Variants in MEF2C observed in about 807,000 individuals in gnomAD.
MEF2C encodes myocyte-specific enhancer factor 2C.
MEF2C carries 6 observed loss-of-function variants against 50.5 expected under a neutral mutation model. The observed-to-expected ratio is 0.12, with a 90% CI of 0.07 to 0.23. MEF2C has a LOEUF of 0.23. Ranked by LOEUF, MEF2C falls within the 10% of genes least tolerant of loss-of-function variation. The pLI is 1.00. For synonymous variants in MEF2C, 183 were observed against 228.0 expected, an observed-to-expected ratio of 0.80 and a Z score of 1.78; for missense variants, 276 against 605.0, an observed-to-expected ratio of 0.46 and a Z score of 5.70.
chr5:88,842,936 C>T, intron 1 of MEF2C, among the ~76,000 whole-genome samples: 1 of 152,070 alleles, frequency 6.6e-6, no homozygotes, highest in Middle Eastern at 3.2e-3. Context: ...AATGTCTGGA[C>T]TGGAGAGGGC....
intron 5 of MEF2C, chr5:88,751,363 TTATCA>T: frequency 1.0e-6 from 1 of 985,448 alleles, no homozygotes; most frequent in Non-Finnish European, 1.2e-6. Context: ...TGATGCTATC[TTATCA>T]TATTTCCTTT....
intron 3 of MEF2C, chr5:88,772,590 T>C (rs1782857814): frequency 3.0e-6 from 1 of 336,252 alleles, no homozygotes. Context: ...ATTCTTCAAT[T>C]TCTTAAATAG....
At position 88,719,366 on chromosome 5, in the gene MEF2C, C is replaced by A. The variant is rs185173418; in HGVS notation, c.*3238G>T. ...AAAAGGTTGAAATAAACAGCCTCCA[C>A]GCAGCAATGCATACAATATACAGGT... On this transcript the variant is annotated 3_prime_UTR_variant, in exon 11 of 11. Transcript: ENST00000504921. The A allele has an allele frequency of 3.3e-5, 5 of 152,284 alleles. No homozygotes were observed. In the East Asian group the frequency reaches 9.6e-4, roughly 29 times the overall value. The allele number at this position is 152,284 out of a possible 1,614,324, so 9.4% of individuals were successfully genotyped here.
chr5:88,779,762 T>TTG (rs1306539465), intron 3 of MEF2C, among the ~76,000 whole-genome samples: 3 of 150,872 alleles, frequency 2.0e-5, no homozygotes, highest in Non-Finnish European at 4.4e-5. Flanking sequence ...AAAGTGAGGT[T>TTG]TTTTTTTTTT....
At chr5:88,786,633 T>TA (rs1289570237) in intron 3 of MEF2C, among the ~76,000 whole-genome samples, 2 of 152,142 alleles carry the variant, frequency 1.3e-5, no homozygotes, top group East Asian at 3.8e-4. Flanking sequence ...AACCATACAT[T>TA]AAAAAATCCA....
chr5:88,861,164 C>T lies in MEF2C; in HGVS notation c.-143+21791G>A, dbSNP rs377499013. Among the ~76,000 whole-genome samples, 41 of 152,310 alleles carry T rather than the reference C, an allele frequency of 2.7e-4. 1 individual carries two copies. The highest frequency in any genetic ancestry group is 2.5e-3 in the South Asian group (12 of 4,818). On this transcript the variant is annotated intron_variant, in intron 1 of 10. Coordinates refer to ENST00000504921, the MANE Select transcript of MEF2C (RefSeq NM_002397.5). ...ACACCAATGTTCTGCATTTGCTTCA[C>T]CCTAGTGTTCAAAGATGTTTCAAAG...
At chr5:88,787,547 A>G (rs192535677) in intron 3 of MEF2C, among the ~76,000 whole-genome samples, 2 of 152,338 alleles carry the variant, frequency 1.3e-5, no homozygotes, top group Admixed American at 1.3e-4. Flanking sequence ...TTTAATCTCC[A>G]TCTTTCCTTC....
intron 4 of MEF2C, among the ~76,000 whole-genome samples, chr5:88,756,140 G>T (rs1332030968): frequency 6.6e-6 from 1 of 152,094 alleles, no homozygotes; most frequent in Non-Finnish European, 1.5e-5. Context: ...CCTGTATCAA[G>T]AACTACCTAT....
chr5:88,800,337 A>G (rs1404606091), intron 3 of MEF2C, among the ~76,000 whole-genome samples: 1 of 152,206 alleles, frequency 6.6e-6, no homozygotes, highest in Non-Finnish European at 1.5e-5. Context: ...TCAGCAGCTT[A>G]TACTGCATTA....
chr5:88,873,779 G>T (rs568390126), intron 1 of MEF2C, among the ~76,000 whole-genome samples: 103 of 114,996 alleles, frequency 9.0e-4, no homozygotes, highest in African/African-American at 3.3e-3. Flanking sequence ...TGAAATGAAA[G>T]AAAAAAATAG....
intron 3 of MEF2C, among the ~76,000 whole-genome samples, chr5:88,789,210 A>G (rs989795746): frequency 2.6e-5 from 4 of 151,370 alleles, no homozygotes; most frequent in African/African-American, 9.7e-5. Context: ...TCTGTCACTC[A>G]GGCTGGGGTA....
At chr5:88,805,257 A>G (rs536579258) in intron 2 of MEF2C, among the ~76,000 whole-genome samples, 1 of 152,316 alleles carries the variant, frequency 6.6e-6, no homozygotes, top group African/African-American at 2.4e-5. Flanking sequence ...ATGTCATTTA[A>G]TTGAAAACAC....
chr5:88,869,814 T>C (rs1828955034), intron 1 of MEF2C, among the ~76,000 whole-genome samples: 1 of 148,754 alleles, frequency 6.7e-6, no homozygotes. Flanking sequence ...TTTTAAAACA[T>C]GCATGCTTAC....
At chr5:88,851,043 T>C (rs1228931294) in intron 1 of MEF2C, among the ~76,000 whole-genome samples, 2 of 151,894 alleles carry the variant, frequency 1.3e-5, no homozygotes, top group Non-Finnish European at 2.9e-5. Flanking sequence ...TATATTCCTG[T>C]CCAACGTGGT....
chr5:88,821,166 C>T (rs1028890214), intron 2 of MEF2C, among the ~76,000 whole-genome samples: 3 of 151,822 alleles, frequency 2.0e-5, no homozygotes, highest in Admixed American at 6.6e-5. Flanking sequence ...TGACTTCTAA[C>T]CTGGATGAGG....
chr5:88,718,557 G>T lies in MEF2C; in HGVS notation c.*4047C>A, dbSNP rs775241951. 1 of 152,172 alleles carries T rather than the reference G, an allele frequency of 6.6e-6. No homozygotes were observed. The highest frequency in any genetic ancestry group is 2.4e-5 in the African/African-American group (1 of 41,432). 9.4% of individuals were successfully genotyped at this position (152,172 alleles called of 1,614,324 possible). On this transcript the variant is annotated 3_prime_UTR_variant, in exon 11 of 11. Coordinates refer to ENST00000504921, the MANE Select transcript of MEF2C (RefSeq NM_002397.5). ...CCAGGAAAAGAAAAAGAAGAAAAAT[G>T]ATACAGCAAACCATCTGAAGCAATC...
chr5:88,741,319 G>T (rs562353442), intron 6 of MEF2C: 1 of 982,724 alleles, frequency 1.0e-6, no homozygotes, highest in African/African-American at 1.7e-5. Flanking sequence ...CAGAAACTGT[G>T]CTAGACCCCT....
At chr5:88,843,312 C>T (rs1250029199) in intron 1 of MEF2C, 27 of 981,564 alleles carry the variant, frequency 2.8e-5, no homozygotes, top group African/African-American at 1.1e-4. Flanking sequence ...TGTTACATCA[C>T]GTAAAATATT....
intron 1 of MEF2C, among the ~76,000 whole-genome samples, chr5:88,835,252 C>T (rs1057468692): frequency 7.9e-5 from 12 of 152,080 alleles, no homozygotes; most frequent in Non-Finnish European, 4.4e-5. Flanking sequence ...ATCTTACAAC[C>T]GTACTAATGT....
Sources: gnomAD v4.1 joint callset for allele counts (sites outside exome capture counted in the v4.1 genomes callset) on GRCh38, gnomAD v4.1.1 for gene constraint, MANE v1.5 for transcripts, NCBI Gene and HGNC (gene_info 2026-07-23, HGNC 2026-07-21) for gene names.